TMC1: variants seen among roughly 807,000 people sequenced by gnomAD.
TMC1 encodes the protein transmembrane channel-like protein 1.
A neutral mutation model predicts 105.8 loss-of-function variants in TMC1; 84 were observed. The ratio of observed to expected loss-of-function variants is 0.79; its 90% CI spans 0.67 to 0.95. TMC1 has a LOEUF of 0.95. Among genes scored for constraint, TMC1 ranks in the 40% least tolerant of loss-of-function variants. The pLI is 0.00. For missense variants in TMC1, 817 were observed against 914.1 expected (o/e 0.89, Z 1.37); for synonymous variants, 315 against 311.5 (o/e 1.01, Z -0.12).
chr9:72,820,100 G>T (rs1052729325), intron 19 of TMC1, among the ~76,000 whole-genome samples: 1 of 152,016 alleles, frequency 6.6e-6, no homozygotes, highest in Non-Finnish European at 1.5e-5. Context: ...AAAGTAAACA[G>T]ATAAACTAAA....
At chr9:72,721,394 C>G (rs142653568) in intron 8 of TMC1, among the ~76,000 whole-genome samples, 1 of 152,134 alleles carries the variant, frequency 6.6e-6, no homozygotes, top group African/African-American at 2.4e-5. Context: ...TGTCACTTCT[C>G]TACAATGTAT....
chr9:72,561,348 AG>A (rs1382935805), intron 1 of TMC1, among the ~76,000 whole-genome samples: 8 of 149,194 alleles, frequency 5.4e-5, no homozygotes, highest in Admixed American at 2.0e-4. Context: ...AAAGAGAGAG[AG>A]AAAATAACTC....
chr9:72,804,218 A>G (rs974348305), intron 17 of TMC1, among the ~76,000 whole-genome samples: 2 of 152,096 alleles, frequency 1.3e-5, no homozygotes. Context: ...AACAACACAC[A>G]CTGGAGCCTG....
intron 4 of TMC1, among the ~76,000 whole-genome samples, chr9:72,640,250 A>G (rs376985665): frequency 2.0e-5 from 3 of 152,310 alleles, no homozygotes; most frequent in African/African-American, 4.8e-5. Flanking sequence ...CCTGTTTAAT[A>G]TCTATTGTTC....
At chr9:72,814,590 C>T (rs1828752896) in intron 18 of TMC1, among the ~76,000 whole-genome samples, 2 of 152,132 alleles carry the variant, frequency 1.3e-5, no homozygotes, top group South Asian at 4.1e-4. Flanking sequence ...TTTATTATTT[C>T]ATTATGTATC....
intron 14 of TMC1, among the ~76,000 whole-genome samples, 190 bp downstream of exon 14, chr9:72,788,673 T>C (rs1399108830): frequency 1.3e-5 from 2 of 152,198 alleles, no homozygotes. Context: ...AACAGCACTA[T>C]TATTCCTTAA....
rs542158074 is a variant in TMC1, at chr9:72,745,911, A to G, written c.535+3386A>G. 7.9e-5 allele frequency among the ~76,000 whole-genome samples: 12 copies of G among 152,320 alleles called. No homozygotes were observed. In the South Asian group the frequency reaches 2.5e-3, roughly 32 times the overall value. ...TGGGTTTAACTAGTCACTATACAAG[A>G]TCATTTCCAGCTCAACATTCTATGA... On this transcript the variant is annotated intron_variant, in intron 10 of 23. Transcript: ENST00000297784.
chr9:72,726,140 A>C (rs935139275), intron 8 of TMC1, among the ~76,000 whole-genome samples: 1 of 152,212 alleles, frequency 6.6e-6, no homozygotes, highest in Admixed American at 6.5e-5. Context: ...ATAGTTTTAC[A>C]TTTCAAATAT....
Position 72,627,742 on chromosome 9 carries a change from GTTGCA to G in TMC1, c.-195-176_-195-172del, listed in dbSNP as rs1480250020. ...CACGTAGCATGCATTTGAAACTCCT[GTTGCA>G]TTCCTTGGCTATTCTTGTCTGTGGC... On this transcript the variant is annotated intron_variant, in intron 3 of 23. Coordinates refer to ENST00000297784, the MANE Select transcript of TMC1 (RefSeq NM_138691.3). Among the ~76,000 whole-genome samples the G allele has an allele frequency of 1.6e-4, 24 of 152,132 alleles. 1 individual carries two copies. The highest frequency in any genetic ancestry group is 1.5e-3 in the Admixed American group (23 of 15,264).
intron 1 of TMC1, among the ~76,000 whole-genome samples, chr9:72,537,700 A>G (rs964124334): frequency 1.3e-5 from 2 of 152,222 alleles, no homozygotes; most frequent in African/African-American, 4.8e-5. Context: ...AGACAAAAAC[A>G]TAAATCAATA....
At chr9:72,821,114 G>T in intron 20 of TMC1, 33 bp downstream of exon 20, 1 of 1,613,970 alleles carries the variant, frequency 6.2e-7, no homozygotes, top group Non-Finnish European at 8.5e-7. Flanking sequence ...CTCAGGCATC[G>T]TGTTCTTTCG....
intron 8 of TMC1, among the ~76,000 whole-genome samples, chr9:72,726,436 T>A (rs1178371081): frequency 1.3e-5 from 2 of 152,180 alleles, no homozygotes; most frequent in African/African-American, 4.8e-5. Context: ...CAGGACAAGT[T>A]AGAAGGGAGG....
In TMC1 at chr9:72,700,761, T is replaced by TAC. The variant is rs10645769; in HGVS notation, c.362+136_362+137dup. On this transcript the variant is annotated intron_variant, in intron 8 of 23. Transcript: ENST00000297784. ...ATATATATACACACACACACACACA[T>TAC]ACACACACACACACACACATACACT... 17,070 of 150,492 alleles carry TAC rather than the reference T, an allele frequency of 0.11. 1,388 individuals carry two copies. The highest frequency in any genetic ancestry group is 0.38 in the African/African-American group (9,341 of 24,472). The allele number at this position is 150,492 out of a possible 1,614,324, so 9.3% of individuals were successfully genotyped here.
At chr9:72,581,063 A>T (rs745433100) in intron 2 of TMC1, among the ~76,000 whole-genome samples, 1 of 152,216 alleles carries the variant, frequency 6.6e-6, no homozygotes, top group Non-Finnish European at 1.5e-5. Flanking sequence ...TTTGATCCTA[A>T]CTTCAAAAGA....
chr9:72,682,297 G>A (rs747436325), intron 5 of TMC1, among the ~76,000 whole-genome samples: 7 of 152,058 alleles, frequency 4.6e-5, no homozygotes, highest in Admixed American at 1.3e-4. Flanking sequence ...ATCAGCCTAC[G>A]TCTGTCTCAT....
intron 6 of TMC1, 126 bp from the exon 7 acceptor site, chr9:72,694,417 C>A: frequency 1.3e-6 from 1 of 769,762 alleles, no homozygotes; most frequent in Non-Finnish European, 2.2e-6. Context: ...CATCCCATCA[C>A]GATGTGGAGA....
chr9:72,701,674 G>A (rs1037398925), intron 8 of TMC1, among the ~76,000 whole-genome samples: 5 of 152,108 alleles, frequency 3.3e-5, no homozygotes, highest in African/African-American at 1.2e-4. Flanking sequence ...TTCTAGTCTT[G>A]GTTCTGCAAG....
At chr9:72,656,102 A>G (rs1825880542) in intron 5 of TMC1, 1 of 677,420 alleles carries the variant, frequency 1.5e-6, no homozygotes, top group Non-Finnish European at 2.7e-6. Context: ...TTCGCCAGGG[A>G]TTTTACATTG....
chr9:72,765,831 C>T (rs1355091745), intron 12 of TMC1, among the ~76,000 whole-genome samples: 1 of 152,076 alleles, frequency 6.6e-6, no homozygotes, highest in Non-Finnish European at 1.5e-5. Flanking sequence ...TGTGTAATGG[C>T]ATTGGGCATA....
Sources: gnomAD v4.1 joint callset for allele counts (sites outside exome capture counted in the v4.1 genomes callset) on GRCh38, gnomAD v4.1.1 for gene constraint, MANE v1.5 for transcripts, NCBI Gene and HGNC (gene_info 2026-07-23, HGNC 2026-07-21) for gene names.